NTNG1: variants seen among roughly 807,000 people sequenced by gnomAD.
The protein encoded by NTNG1 is netrin G1.
In NTNG1, 16 loss-of-function variants were observed where a neutral mutation model predicts 54.0. The ratio of observed to expected loss-of-function variants is 0.30; its 90% CI spans 0.20 to 0.45. The LOEUF is 0.45. Among genes scored for constraint, NTNG1 ranks in the 20% least tolerant of loss-of-function variants. The pLI, the probability that NTNG1 is intolerant of heterozygous loss-of-function variation, is 1.00. For missense variants in NTNG1, 530 were observed against 678.7 expected, an observed-to-expected ratio of 0.78 and a Z score of 2.43; for synonymous variants, 255 against 263.1, an observed-to-expected ratio of 0.97 and a Z score of 0.30.
chr1:107,278,906 A>G (rs923759163), intron 2 of NTNG1, among the ~76,000 whole-genome samples: 3 of 151,938 alleles, frequency 2.0e-5, no homozygotes, highest in Non-Finnish European at 4.4e-5. Flanking sequence ...CTCCCATTCC[A>G]CTGATCATCT....
intron 2 of NTNG1, among the ~76,000 whole-genome samples, chr1:107,256,575 A>C (rs1399072596): frequency 6.6e-6 from 1 of 152,222 alleles, no homozygotes; most frequent in Non-Finnish European, 1.5e-5. Context: ...AGGTGTCCCA[A>C]GGGAAGACAG....
At chr1:107,441,826 G>A (rs1675984314) in intron 7 of NTNG1, among the ~76,000 whole-genome samples, 1 of 151,950 alleles carries the variant, frequency 6.6e-6, no homozygotes, top group South Asian at 2.1e-4. Flanking sequence ...TCATGCTGGG[G>A]AAAAAGATAT....
chr1:107,395,053 A>C (rs1014407037), intron 3 of NTNG1, 101 bp from the exon 4 acceptor site: 4 of 861,996 alleles, frequency 4.6e-6, no homozygotes, highest in East Asian at 2.4e-5. Context: ...TCTGTGTATC[A>C]CTAAAGCACT....
chr1:107,390,425 C>T (rs1420524523), intron 3 of NTNG1, among the ~76,000 whole-genome samples: 1 of 152,162 alleles, frequency 6.6e-6, no homozygotes, highest in Admixed American at 6.5e-5. Flanking sequence ...CTAGGTCTTT[C>T]AAACATTGTT....
chr1:107,345,848 C>G (rs1473460842), intron 3 of NTNG1, among the ~76,000 whole-genome samples: 1 of 152,192 alleles, frequency 6.6e-6, no homozygotes, highest in Non-Finnish European at 1.5e-5. Context: ...ATACCCTCTT[C>G]TCATTTCCAG....
At chr1:107,480,583 C>CCCCCCCAACCAA (rs2101618131) in intron 7 of NTNG1, 28 bp from the exon 8 acceptor site, 1 of 744,750 alleles carries the variant, frequency 1.3e-6, no homozygotes, top group Non-Finnish European at 2.3e-6. Context: ...CGCGCCCACC[C>CCCCCCCAACCAA]ACCCCTACCT....
chr1:107,215,718 T>C (rs1464991040), intron 2 of NTNG1, among the ~76,000 whole-genome samples: 4 of 152,200 alleles, frequency 2.6e-5, no homozygotes. Context: ...AATTTTAGGA[T>C]TGCTTTTGGC....
intron 5 of NTNG1, among the ~76,000 whole-genome samples, chr1:107,419,706 G>A (rs11185111): frequency 0.29 from 42,975 of 150,608 alleles, 6,554 homozygotes; most frequent in East Asian, 0.47. Flanking sequence ...AATGAATACA[G>A]ATGGAAAAGG....
At chr1:107,254,532 C>G (rs1662809984) in intron 2 of NTNG1, among the ~76,000 whole-genome samples, 1 of 152,226 alleles carries the variant, frequency 6.6e-6, no homozygotes, top group African/African-American at 2.4e-5. Flanking sequence ...ACACCACTGC[C>G]CTTTGAGGCG....
intron 3 of NTNG1, among the ~76,000 whole-genome samples, chr1:107,342,396 C>G (rs12035149): frequency 0.25 from 38,487 of 151,872 alleles, 5,056 homozygotes; most frequent in African/African-American, 0.32. Flanking sequence ...AAACAGTAAA[C>G]TATAAAAAAT....
Position 107,365,163 on chromosome 1 carries a change from T to C in NTNG1, c.888-29991T>C, listed in dbSNP as rs1053128604. Among the ~76,000 whole-genome samples, 14 of 152,296 alleles carry C rather than the reference T, an allele frequency of 9.2e-5. 1 individual carries two copies. In the East Asian group the frequency reaches 1.9e-3, roughly 21 times the overall value. On this transcript the variant is annotated intron_variant, in intron 3 of 7. Coordinates refer to ENST00000370068, the MANE Select transcript of NTNG1 (RefSeq NM_001113226.3). ...TACAGCTATATTACAAAGTGTTGACTTAAAAGACAGTTGAGATCCAATATA... is the reference window on the plus strand; with the variant it reads ...TACAGCTATATTACAAAGTGTTGACCTAAAAGACAGTTGAGATCCAATATA...
At chr1:107,364,417 C>G (rs568603844) in intron 3 of NTNG1, among the ~76,000 whole-genome samples, 95 of 152,230 alleles carry the variant, frequency 6.2e-4, no homozygotes, top group African/African-American at 1.9e-3. Flanking sequence ...GCAGTGAAGA[C>G]CTTCATAATA....
chr1:107,337,829 A>C (rs1237806025), intron 3 of NTNG1, among the ~76,000 whole-genome samples: 1 of 152,044 alleles, frequency 6.6e-6, no homozygotes, highest in Non-Finnish European at 1.5e-5. Flanking sequence ...GGGGCTTCAC[A>C]ATGAGGAGTC....
chr1:107,377,324 C>T (rs1376531213), intron 3 of NTNG1, among the ~76,000 whole-genome samples: 1 of 152,146 alleles, frequency 6.6e-6, no homozygotes, highest in Non-Finnish European at 1.5e-5. Flanking sequence ...TCCAAGCTCC[C>T]CACTGCCTGG....
intron 2 of NTNG1, among the ~76,000 whole-genome samples, chr1:107,155,528 T>C (rs922323338): frequency 9.2e-5 from 14 of 152,088 alleles, no homozygotes; most frequent in Non-Finnish European, 2.9e-5. Context: ...ACTCCACCAT[T>C]TAGCACCTCA....
At chr1:107,289,589 T>C (rs2101757616) in intron 2 of NTNG1, among the ~76,000 whole-genome samples, 1 of 152,284 alleles carries the variant, frequency 6.6e-6, no homozygotes, top group Middle Eastern at 3.4e-3. Context: ...CACTTCATTA[T>C]AACAGTCTTT....
chr1:107,320,847 A>AT lies in NTNG1; in HGVS notation c.247-3429dup, dbSNP rs200173222. 9.0e-3 allele frequency among the ~76,000 whole-genome samples: 1,375 copies of AT among 151,946 alleles called. 11 individuals carry two copies. The highest frequency in any genetic ancestry group is 0.013 in the Non-Finnish European group (884 of 67,956). ...TGTTATGAAATAAGGAGAACAATTGATTTTTTCCCCTCTTTGGTATCTACA... is the reference window on the plus strand; with the variant it reads ...TGTTATGAAATAAGGAGAACAATTGATTTTTTTCCCCTCTTTGGTATCTACA... On this transcript the variant is annotated intron_variant, in intron 2 of 7. Coordinates refer to ENST00000370068, the MANE Select transcript of NTNG1 (RefSeq NM_001113226.3).
chr1:107,353,866 A>G (rs780262865), intron 3 of NTNG1, among the ~76,000 whole-genome samples: 8 of 152,166 alleles, frequency 5.3e-5, no homozygotes, highest in Non-Finnish European at 1.0e-4. Flanking sequence ...AGAAGGCAAA[A>G]CAGAGCAGAT....
chr1:107,344,848 A>T (rs1314949793), intron 3 of NTNG1, among the ~76,000 whole-genome samples: 1 of 152,178 alleles, frequency 6.6e-6, no homozygotes, highest in Non-Finnish European at 1.5e-5. Context: ...ATCCTCAAAG[A>T]TAAGGTTAAT....
Sources: gnomAD v4.1 joint callset for allele counts (sites outside exome capture counted in the v4.1 genomes callset) on GRCh38, gnomAD v4.1.1 for gene constraint, MANE v1.5 for transcripts, NCBI Gene and HGNC (gene_info 2026-07-23, HGNC 2026-07-21) for gene names.